The following CDH6 variants were observed in gnomAD, a reference collection of about 807,000 sequenced individuals.
CDH6 encodes cadherin-6.
A neutral mutation model predicts 78.0 loss-of-function variants in CDH6; 31 were observed. The ratio of observed to expected loss-of-function variants is 0.40; its 90% CI spans 0.30 to 0.54. CDH6 has a LOEUF of 0.54. Ranked by LOEUF, CDH6 falls within the 20% of genes least tolerant of loss-of-function variation. CDH6 has a pLI of 0.56. For missense variants in CDH6, 724 were observed against 975.9 expected, an observed-to-expected ratio of 0.74 and a Z score of 3.44; for synonymous variants, 376 against 368.8, an observed-to-expected ratio of 1.02 and a Z score of -0.23.
chr5:31,199,685 G>GTGTATTTATATA (rs796740950), intron 1 of CDH6, among the ~76,000 whole-genome samples: 1 of 79,852 alleles, frequency 1.3e-5, no homozygotes, highest in African/African-American at 4.7e-5. Flanking sequence ...GTGTGTGTGT[G>GTGTATTTATATA]TATATATATA....
At chr5:31,233,273 A>G (rs4529210) in intron 1 of CDH6, among the ~76,000 whole-genome samples, 138,958 of 151,442 alleles carry the variant, frequency 0.92, 64,647 homozygotes, top group Non-Finnish European at 0.99. Context: ...GATAAATTAC[A>G]AACATTTTAA....
intron 1 of CDH6, among the ~76,000 whole-genome samples, chr5:31,252,325 T>C (rs1741931731): frequency 8.7e-6 from 1 of 114,392 alleles, no homozygotes. Context: ...ATTATGTGTG[T>C]GTGGTGTGTG....
chr5:31,307,187 G>A (rs1286990440), intron 7 of CDH6, among the ~76,000 whole-genome samples: 1 of 152,162 alleles, frequency 6.6e-6, no homozygotes, highest in Admixed American at 6.6e-5. Flanking sequence ...TGATTGAGAT[G>A]AGAAGCCACT....
intron 1 of CDH6, among the ~76,000 whole-genome samples, chr5:31,261,772 T>C (rs1266176164): frequency 1.3e-5 from 2 of 152,166 alleles, no homozygotes; most frequent in Non-Finnish European, 2.9e-5. Context: ...TTTTAAAACT[T>C]GAACGTAATT....
intron 1 of CDH6, among the ~76,000 whole-genome samples, chr5:31,200,567 TACAC>T (rs10533381): frequency 0.016 from 2,348 of 144,434 alleles, 35 homozygotes; most frequent in East Asian, 0.066. Flanking sequence ...CACACATACA[TACAC>T]ACACACACAC....
At chr5:31,301,854 A>G (rs917642341) in intron 5 of CDH6, among the ~76,000 whole-genome samples, 2 of 152,234 alleles carry the variant, frequency 1.3e-5, no homozygotes, top group Non-Finnish European at 2.9e-5. Context: ...CAATCACACC[A>G]TAAACTTTGG....
chr5:31,271,703 T>C (rs2149935761), intron 2 of CDH6, among the ~76,000 whole-genome samples: 1 of 152,218 alleles, frequency 6.6e-6, no homozygotes, highest in Middle Eastern at 3.4e-3. Context: ...ACATCTCCAT[T>C]TGGGGGCTGC....
At chr5:31,316,418 A>G (rs968251690) in intron 9 of CDH6, 89 bp downstream of exon 9, 1 of 1,170,370 alleles carries the variant, frequency 8.5e-7, no homozygotes, top group Non-Finnish European at 1.2e-6. Flanking sequence ...GCTGAAGGAG[A>G]GTTGTGAATT....
chr5:31,255,270 C>G (rs961419743), intron 1 of CDH6, among the ~76,000 whole-genome samples: 7 of 152,216 alleles, frequency 4.6e-5, no homozygotes, highest in Non-Finnish European at 1.0e-4. Context: ...ATTACACAAG[C>G]GCACTGTGAC....
At chr5:31,211,307 G>A (rs1471474420) in intron 1 of CDH6, among the ~76,000 whole-genome samples, 2 of 151,866 alleles carry the variant, frequency 1.3e-5, no homozygotes, top group Non-Finnish European at 2.9e-5. Flanking sequence ...GATTTGGCTT[G>A]GGCTTCAACT....
At chr5:31,238,615 C>T (rs1220418677) in intron 1 of CDH6, among the ~76,000 whole-genome samples, 1 of 152,064 alleles carries the variant, frequency 6.6e-6, no homozygotes, top group African/African-American at 2.4e-5. Flanking sequence ...GAATGGAAAC[C>T]ATAAGTTTTA....
intron 8 of CDH6, among the ~76,000 whole-genome samples, chr5:31,314,652 A>G (rs1026133130): frequency 5.3e-5 from 8 of 152,048 alleles, no homozygotes; most frequent in African/African-American, 1.9e-4. Flanking sequence ...CTTGAAGTTC[A>G]TGTTAATTTA....
At chr5:31,208,614 G>A (rs1740605595) in intron 1 of CDH6, among the ~76,000 whole-genome samples, 2 of 152,086 alleles carry the variant, frequency 1.3e-5, no homozygotes, top group African/African-American at 4.8e-5. Flanking sequence ...TGGAAACTGT[G>A]GCTGTATATT....
chr5:31,210,347 T>C (rs1579816793), intron 1 of CDH6, among the ~76,000 whole-genome samples: 1 of 152,054 alleles, frequency 6.6e-6, no homozygotes, highest in East Asian at 1.9e-4. Flanking sequence ...CTACTAAAAA[T>C]ACAAAAATTT....
At chr5:31,318,341 G>A in intron 11 of CDH6, 1 of 331,288 alleles carries the variant, frequency 3.0e-6, no homozygotes, top group Non-Finnish European at 5.5e-6. Flanking sequence ...TGGGAAAGTG[G>A]GAAGAGGAGT....
intron 1 of CDH6, among the ~76,000 whole-genome samples, chr5:31,217,300 A>G (rs887137096): frequency 6.6e-6 from 1 of 152,196 alleles, no homozygotes; most frequent in Admixed American, 6.5e-5. Context: ...ATCACAGCCT[A>G]ATGCACACAT....
chr5:31,211,398 GAA>G (rs869288727), intron 1 of CDH6, among the ~76,000 whole-genome samples: 7 of 40,874 alleles, frequency 1.7e-4, no homozygotes, highest in Admixed American at 8.6e-4. Flanking sequence ...TAAGAAACTT[GAA>G]AAAAAAAAAT....
chr5:31,319,935 T>C (rs1340671294), intron 11 of CDH6, among the ~76,000 whole-genome samples: 1 of 152,148 alleles, frequency 6.6e-6, no homozygotes, highest in African/African-American at 2.4e-5. Context: ...AATAAGAAAA[T>C]AGGCTTAGAA....
intron 1 of CDH6, among the ~76,000 whole-genome samples, chr5:31,204,531 T>C (rs1289370144): frequency 6.6e-6 from 1 of 152,236 alleles, no homozygotes; most frequent in East Asian, 1.9e-4. Context: ...ATTGAAACCG[T>C]AGGCTGGATT....
Sources: allele counts gnomAD v4.1 joint callset (sites outside exome capture counted in the v4.1 genomes callset), GRCh38; gene constraint gnomAD v4.1.1; transcripts MANE v1.5; gene names NCBI Gene and HGNC (gene_info 2026-07-23, HGNC 2026-07-21).